Variants in GRID2 observed in about 807,000 individuals in gnomAD.
The protein encoded by GRID2 is glutamate receptor ionotropic, delta-2.
In GRID2, 33 loss-of-function variants were observed where a neutral mutation model predicts 114.8. That is an observed-to-expected ratio of 0.29 (90% CI 0.22 to 0.38). GRID2 has a LOEUF of 0.38. Ranked by LOEUF, GRID2 falls within the 10% of genes least tolerant of loss-of-function variation. The pLI, the probability that GRID2 is intolerant of heterozygous loss-of-function variation, is 1.00. For missense variants in GRID2, 1,184 were observed against 1,257.7 expected (o/e 0.94, Z 0.89); for synonymous variants, 505 against 449.9 (o/e 1.12, Z -1.55).
chr4:93,525,401 G>A (rs914567142), intron 13 of GRID2, among the ~76,000 whole-genome samples: 2 of 152,106 alleles, frequency 1.3e-5, no homozygotes, highest in Admixed American at 6.6e-5. Flanking sequence ...ATAAAGTGGT[G>A]GGGGAGGAAG....
chr4:93,238,500 G>T lies in GRID2; in HGVS notation c.1245+10G>T. 3.1e-6 allele frequency: 5 copies of T among 1,606,716 alleles called. No individual in the cohort carries two copies. Among genetic ancestry groups the T allele is most frequent in the Non-Finnish European group, 4.3e-6 (5 of 1,174,556 alleles). The stretch of plus-strand genomic sequence containing the variant: ...CAGAGGTGTTCGAAAAGTAAGACAA[G>T]ACACACTGATTAATACGCTTTTTCC... On this transcript the variant is annotated intron_variant, in intron 8 of 15. Transcript: ENST00000282020.
chr4:92,535,906 G>A (rs964706123), intron 1 of GRID2, among the ~76,000 whole-genome samples: 2 of 152,082 alleles, frequency 1.3e-5, no homozygotes, highest in African/African-American at 2.4e-5. Flanking sequence ...AAAGGCGGCC[G>A]CATCTGGACT....
intron 2 of GRID2, among the ~76,000 whole-genome samples, chr4:92,811,770 G>T (rs563075356): frequency 1.3e-5 from 2 of 152,058 alleles, no homozygotes; most frequent in East Asian, 3.9e-4. Flanking sequence ...TATGAAAATG[G>T]GAGACATATT....
At chr4:93,496,440 G>A (rs759006572) in intron 12 of GRID2, among the ~76,000 whole-genome samples, 3 of 151,676 alleles carry the variant, frequency 2.0e-5, no homozygotes, top group Non-Finnish European at 2.9e-5. Context: ...TATTACATAT[G>A]TAGACTCCTA....
intron 14 of GRID2, among the ~76,000 whole-genome samples, chr4:93,703,329 A>G (rs77546774): frequency 0.042 from 6,399 of 152,146 alleles, 216 homozygotes; most frequent in African/African-American, 0.084. Context: ...CAGGCATCCA[A>G]AGTGTAATAA....
chr4:93,433,220 A>G (rs115794052), intron 10 of GRID2, among the ~76,000 whole-genome samples: 1 of 152,250 alleles, frequency 6.6e-6, no homozygotes, highest in African/African-American at 2.4e-5. Flanking sequence ...TCATGACCCA[A>G]AATGATTGTT....
chr4:93,619,049 TA>T (rs1300374242), intron 13 of GRID2, among the ~76,000 whole-genome samples: 1 of 152,228 alleles, frequency 6.6e-6, no homozygotes, highest in East Asian at 1.9e-4. Context: ...TTGATTTTTT[TA>T]AAAAAGTTGA....
At position 93,494,436 on chromosome 4, in the gene GRID2, T is replaced by C. The variant is rs79877330; in HGVS notation, c.1997+3659T>C. On this transcript the variant is annotated intron_variant, in intron 12 of 15. Coordinates refer to ENST00000282020, the MANE Select transcript of GRID2 (RefSeq NM_001510.4). ...GTTGACAGAAACTCTTCCACTTTGC[T>C]GGGAGCAATCTAATAGATTTATTTT... Among the ~76,000 whole-genome samples the C allele has an allele frequency of 5.5e-3, 841 of 151,844 alleles. 7 individuals are homozygous for C. Among genetic ancestry groups the C allele is most frequent in the African/African-American group, 0.019 (808 of 41,484 alleles).
intron 1 of GRID2, among the ~76,000 whole-genome samples, chr4:92,331,725 A>G (rs1726898100): frequency 2.0e-5 from 3 of 152,184 alleles, no homozygotes; most frequent in Admixed American, 2.0e-4. Context: ...TTTACATAAC[A>G]CTGTAATCTT....
At chr4:92,407,154 C>T (rs111816583) in intron 1 of GRID2, among the ~76,000 whole-genome samples, 11 of 152,032 alleles carry the variant, frequency 7.2e-5, no homozygotes, top group African/African-American at 1.9e-4. Context: ...CTCTCTATCA[C>T]GAGAACAGCA....
At chr4:92,401,452 A>C (rs1730783695) in intron 1 of GRID2, among the ~76,000 whole-genome samples, 1 of 152,174 alleles carries the variant, frequency 6.6e-6, no homozygotes. Context: ...GGCAGGAATT[A>C]TGTGCAGTCA....
intron 4 of GRID2, among the ~76,000 whole-genome samples, chr4:93,190,514 T>G (rs2149446649): frequency 6.6e-6 from 1 of 152,256 alleles, no homozygotes; most frequent in Middle Eastern, 3.4e-3. Flanking sequence ...ATATTTGAGG[T>G]GTTTCAGATT....
At chr4:92,485,327 TATATATATATATATATATATA>T (rs1374736632) in intron 1 of GRID2, among the ~76,000 whole-genome samples, 9 of 103,006 alleles carry the variant, frequency 8.7e-5, no homozygotes, top group East Asian at 2.9e-4. Context: ...TATATATATA[TATATATATATATATATATATA>T]GTGTGTGTGT....
intron 2 of GRID2, among the ~76,000 whole-genome samples, chr4:92,764,714 G>A (rs887037502): frequency 6.6e-6 from 1 of 152,120 alleles, no homozygotes; most frequent in Non-Finnish European, 1.5e-5. Context: ...ACATGAGCAG[G>A]ATCCATGTCT....
intron 2 of GRID2, among the ~76,000 whole-genome samples, chr4:92,787,496 G>C (rs1445950586): frequency 1.3e-5 from 2 of 151,868 alleles, no homozygotes; most frequent in Non-Finnish European, 1.5e-5. Flanking sequence ...TTCAGGAGGG[G>C]ACAGCTGGTG....
chr4:92,943,643 A>G (rs893422480), intron 2 of GRID2, among the ~76,000 whole-genome samples: 5 of 152,088 alleles, frequency 3.3e-5, no homozygotes, highest in African/African-American at 1.2e-4. Context: ...CCTTTGGAGG[A>G]GGAGAGGTGC....
chr4:92,370,639 C>G (rs758167826), intron 1 of GRID2, among the ~76,000 whole-genome samples: 1 of 152,100 alleles, frequency 6.6e-6, no homozygotes, highest in Admixed American at 6.6e-5. Context: ...GCAATGGCCT[C>G]TAAGTGTTCA....
At chr4:93,418,109 G>T (rs934399905) in intron 9 of GRID2, among the ~76,000 whole-genome samples, 6 of 151,446 alleles carry the variant, frequency 4.0e-5, no homozygotes, top group Non-Finnish European at 8.8e-5. Flanking sequence ...TTTCAAAATG[G>T]TTGTAAATTT....
chr4:93,090,941 A>G (rs916918149), intron 3 of GRID2, among the ~76,000 whole-genome samples: 10 of 152,108 alleles, frequency 6.6e-5, no homozygotes, highest in Non-Finnish European at 5.9e-5. Flanking sequence ...CTTGTTTAAG[A>G]GAGACTTTGT....
Sources: gnomAD v4.1 joint callset for allele counts (sites outside exome capture counted in the v4.1 genomes callset) on GRCh38, gnomAD v4.1.1 for gene constraint, MANE v1.5 for transcripts, NCBI Gene and HGNC (gene_info 2026-07-23, HGNC 2026-07-21) for gene names.